The following DOCK10 variants were observed in gnomAD, a reference collection of about 807,000 sequenced individuals.
DOCK10 encodes the protein dedicator of cytokinesis protein 10.
A neutral mutation model predicts 280.1 loss-of-function variants in DOCK10; 145 were observed. The ratio of observed to expected loss-of-function variants is 0.52; its 90% CI spans 0.45 to 0.59. The LOEUF is 0.59. DOCK10 is among the 20% of genes least tolerant of loss of function. The pLI, the probability that DOCK10 is intolerant of heterozygous loss-of-function variation, is 0.00. For missense variants in DOCK10, 2,368 were observed against 2,651.7 expected, an observed-to-expected ratio of 0.89 and a Z score of 2.35; for synonymous variants, 915 against 942.2, an observed-to-expected ratio of 0.97 and a Z score of 0.53.
chr2:225,000,480 C>A (rs757667425), intron 1 of DOCK10, among the ~76,000 whole-genome samples: 6 of 152,196 alleles, frequency 3.9e-5, no homozygotes, highest in Non-Finnish European at 7.3e-5. Flanking sequence ...TTGTTTTGAG[C>A]ATTTCCTGTT....
At chr2:224,772,788 G>C (rs1405839981) in intron 53 of DOCK10, among the ~76,000 whole-genome samples, 1 of 151,790 alleles carries the variant, frequency 6.6e-6, no homozygotes, top group East Asian at 1.9e-4. Flanking sequence ...TTCTTTTTTG[G>C]ATTTGTTTCA....
intron 47 of DOCK10, 55 bp downstream of exon 47, chr2:224,792,919 G>T: frequency 7.7e-7 from 1 of 1,302,866 alleles, no homozygotes; most frequent in Non-Finnish European, 1.1e-6. Context: ...AGTAGAATTT[G>T]AGCAGCAAGT....
chr2:224,997,392 C>T (rs936719917), intron 1 of DOCK10, among the ~76,000 whole-genome samples: 4 of 152,060 alleles, frequency 2.6e-5, no homozygotes, highest in Admixed American at 6.6e-5. Context: ...CCACCATGCC[C>T]GGCTGATTTT....
intron 1 of DOCK10, among the ~76,000 whole-genome samples, chr2:224,957,968 T>C (rs946238570): frequency 6.6e-6 from 1 of 152,188 alleles, no homozygotes; most frequent in African/African-American, 2.4e-5. Context: ...TGAAAGCATG[T>C]CATTGGGACT....
chr2:224,868,818 C>A (rs1452126979), intron 11 of DOCK10, among the ~76,000 whole-genome samples: 1 of 151,906 alleles, frequency 6.6e-6, no homozygotes, highest in African/African-American at 2.4e-5. Context: ...TAGTAGTCTG[C>A]CAAGAGTTGA....
At chr2:225,001,361 C>T (rs1428615036) in intron 1 of DOCK10, among the ~76,000 whole-genome samples, 1 of 147,862 alleles carries the variant, frequency 6.8e-6, no homozygotes, top group Non-Finnish European at 1.5e-5. Context: ...TTGATCTCAG[C>T]TCACTGCAAG....
chr2:225,040,810 G>A (rs1690399137), intron 1 of DOCK10, among the ~76,000 whole-genome samples: 1 of 152,188 alleles, frequency 6.6e-6, no homozygotes, highest in Non-Finnish European at 1.5e-5. Flanking sequence ...CTACTACTGT[G>A]TGGAGATTTT....
At chr2:225,025,168 G>T (rs779420716) in intron 1 of DOCK10, among the ~76,000 whole-genome samples, 4 of 152,202 alleles carry the variant, frequency 2.6e-5, no homozygotes, top group African/African-American at 9.6e-5. Context: ...ATCAGGGAAG[G>T]ATTCTTGAGG....
At chr2:224,986,827 T>G (rs1263147142) in intron 1 of DOCK10, among the ~76,000 whole-genome samples, 1 of 152,166 alleles carries the variant, frequency 6.6e-6, no homozygotes, top group Non-Finnish European at 1.5e-5. Flanking sequence ...AGAGCAGCCC[T>G]AGTACCCTAG....
At chr2:224,904,021 T>C (rs966379033) in intron 3 of DOCK10, among the ~76,000 whole-genome samples, 5 of 152,198 alleles carry the variant, frequency 3.3e-5, no homozygotes, top group Non-Finnish European at 5.9e-5. Context: ...ATCTTAATCA[T>C]TTTTTGTGTA....
intron 25 of DOCK10, among the ~76,000 whole-genome samples, chr2:224,836,142 T>C (rs1444498032): frequency 6.6e-6 from 1 of 152,214 alleles, no homozygotes; most frequent in African/African-American, 2.4e-5. Flanking sequence ...GTGTGTAAGA[T>C]GGATCAGTAA....
intron 1 of DOCK10, among the ~76,000 whole-genome samples, chr2:225,003,238 T>G (rs1398133352): frequency 6.6e-6 from 1 of 152,106 alleles, no homozygotes; most frequent in Admixed American, 6.5e-5. Context: ...AGAGGCAGGA[T>G]TTCACCATGT....
chr2:224,943,765 T>TC (rs1470255702), intron 1 of DOCK10, among the ~76,000 whole-genome samples: 5 of 146,740 alleles, frequency 3.4e-5, no homozygotes, highest in Admixed American at 2.7e-4. Flanking sequence ...TCTTTTCTTT[T>TC]TTTTTTTTTT....
In DOCK10 at chr2:224,770,055, G is replaced by A. The variant is rs1044449346; in HGVS notation, c.6444+156C>T. On this transcript the variant is annotated intron_variant, in intron 55 of 55. Coordinates refer to ENST00000258390, the MANE Select transcript of DOCK10 (RefSeq NM_014689.3). The surrounding 1 kb of genome is among the most constrained non-coding windows in gnomAD (Gnocchi z 4.5). ...CAGCCTGATCTCTGCTTTGGGGCAC[G>A]AGGTGGTGTGCACGGGAGAGAGAAC... is the stretch of plus-strand genomic sequence containing the variant. Among the ~76,000 whole-genome samples the A allele has an allele frequency of 7.9e-5, 12 of 152,330 alleles. No homozygotes were observed. Among genetic ancestry groups the A allele is most frequent in the African/African-American group, 2.4e-4 (10 of 41,578 alleles).
Position 224,845,573 on chromosome 2 carries a change from A to G in DOCK10, c.2305T>C (p.Cys769Arg). The G allele has an allele frequency of 6.2e-7, 1 of 1,613,446 alleles. No individual in the cohort carries two copies. The highest frequency in any genetic ancestry group is 1.1e-5 in the South Asian group (1 of 90,958). ...HILFSFYHVT[C>R]DINAKANAKK... is the part of the protein sequence containing the mutation. ...GCATTAGCTTTTGCATTGATGTCAC[A>G]GGTGACGTGATAAAAAGAAAACAAA... The change falls in exon 20 of 56, where the codon TGT (cysteine) becomes CGT (arginine). Residue 769 changes from cysteine to arginine, a missense_variant. Cys to Arg is a radical substitution (Grantham distance 180, BLOSUM62 -3). Transcript: ENST00000258390.
intron 40 of DOCK10, among the ~76,000 whole-genome samples, chr2:224,800,908 G>C (rs1249270725): frequency 6.6e-6 from 1 of 152,024 alleles, no homozygotes; most frequent in East Asian, 1.9e-4. Context: ...ACGTTGGTTT[G>C]GTCTGGAAAG....
Position 224,834,246 on chromosome 2 carries a change from C to T in DOCK10, c.2868G>A (p.Arg956=). The change falls in exon 26 of 56, where the codon AGG becomes AGA. Residue 956 remains arginine (R), a synonymous_variant. Transcript: ENST00000258390. ...QSYIKFVFKT[R]ACKERTVHEE... ...CATGTACAGTCCTCTCCTTGCATGC[C>T]CTGGTCTTGAACACGAACTGAAGAA... 6.2e-7 allele frequency: 1 copy of T among 1,608,562 alleles called. No individual in the cohort carries two copies. Among genetic ancestry groups the T allele is most frequent in the Non-Finnish European group, 8.5e-7 (1 of 1,176,150 alleles).
At chr2:224,769,492 C>G (rs749428315) in intron 55 of DOCK10, among the ~76,000 whole-genome samples, 1 of 152,150 alleles carries the variant, frequency 6.6e-6, no homozygotes, top group Non-Finnish European at 1.5e-5. Context: ...ACATCTAACT[C>G]CTGGAGGGGA....
Position 224,857,743 on chromosome 2 carries a change from C to CA in DOCK10, c.1686-762dup, listed in dbSNP as rs913761829. Among the ~76,000 whole-genome samples, 46 of 146,274 alleles carry CA rather than the reference C, an allele frequency of 3.1e-4. No individual in the cohort carries two copies. In the East Asian group the frequency reaches 6.2e-3, roughly 20 times the overall value. ...CATATCTCATTACACAATGTGTGGT[C>CA]AAAAAAAAATAGAATTTTTTTTTTT... is the stretch of plus-strand genomic sequence containing the variant. On this transcript the variant is annotated intron_variant, in intron 14 of 55. Transcript: ENST00000258390.
Sources: allele counts gnomAD v4.1 joint callset (sites outside exome capture counted in the v4.1 genomes callset), GRCh38; gene constraint gnomAD v4.1.1; non-coding constraint Gnocchi (gnomAD v3.1); transcripts MANE v1.5; gene names NCBI Gene and HGNC (gene_info 2026-07-23, HGNC 2026-07-21).